The following THSD4 variants were observed in gnomAD, a reference collection of about 807,000 sequenced individuals.
THSD4 encodes thrombospondin type 1 domain containing 4.
A neutral mutation model predicts 119.0 loss-of-function variants in THSD4; 69 were observed. The ratio of observed to expected loss-of-function variants is 0.58; its 90% CI spans 0.48 to 0.71. THSD4 has a LOEUF of 0.71. Ranked by LOEUF, THSD4 falls within the 30% of genes least tolerant of loss-of-function variation. The probability of loss-of-function intolerance (pLI) is 0.00; values close to 1 mark genes in which losing one functional copy is unlikely to be tolerated. For missense variants in THSD4, 1,393 were observed against 1,391.1 expected, an observed-to-expected ratio of 1.00 and a Z score of -0.02; for synonymous variants, 524 against 540.4, an observed-to-expected ratio of 0.97 and a Z score of 0.42.
chr15:71,260,262 C>T (rs567164079), intron 6 of THSD4, among the ~76,000 whole-genome samples: 1 of 152,184 alleles, frequency 6.6e-6, no homozygotes, highest in East Asian at 1.9e-4. Flanking sequence ...ACTTTAAGAC[C>T]TGGAAGAACT....
intron 3 of THSD4, among the ~76,000 whole-genome samples, chr15:71,171,143 A>G (rs1260272717): frequency 6.6e-6 from 1 of 152,136 alleles, no homozygotes; most frequent in African/African-American, 2.4e-5. Context: ...AATAATAGAA[A>G]AGTTTCCAAA....
chr15:71,556,840 T>G (rs1253593216), intron 7 of THSD4, among the ~76,000 whole-genome samples: 1 of 152,150 alleles, frequency 6.6e-6, no homozygotes, highest in Non-Finnish European at 1.5e-5. Context: ...ATCAGTTTTA[T>G]GTAGGAACTT....
intron 3 of THSD4, among the ~76,000 whole-genome samples, chr15:71,208,668 T>C (rs918838687): frequency 8.6e-5 from 13 of 151,972 alleles, no homozygotes; most frequent in African/African-American, 2.9e-4. Context: ...CCCACTACCA[T>C]GCCCAGCTAA....
At chr15:71,735,991 CCTCTCTGTCTCTCTTG>C (rs1269753807) in intron 10 of THSD4, among the ~76,000 whole-genome samples, 1 of 101,102 alleles carries the variant, frequency 9.9e-6, no homozygotes, top group Non-Finnish European at 2.1e-5. Flanking sequence ...TGTCTCTGTC[CCTCTCTGTCTCTCTTG>C]CTCTCTGTCT....
chr15:71,706,349 C>T (rs1352316975), intron 8 of THSD4, among the ~76,000 whole-genome samples: 1 of 151,738 alleles, frequency 6.6e-6, no homozygotes, highest in Non-Finnish European at 1.5e-5. Context: ...CAGGAGGAGG[C>T]AGGGATGGGA....
At chr15:71,749,216 T>C (rs1429015485) in intron 14 of THSD4, among the ~76,000 whole-genome samples, 1 of 152,190 alleles carries the variant, frequency 6.6e-6, no homozygotes, top group Non-Finnish European at 1.5e-5. Context: ...TTAAAAGTGG[T>C]TACGATGGTC....
At chr15:71,242,506 T>C (rs1361385805) in intron 4 of THSD4, 143 bp from the exon 5 acceptor site, 10 of 835,500 alleles carry the variant, frequency 1.2e-5, no homozygotes, top group Non-Finnish European at 1.9e-6. Context: ...TAAAATGCGT[T>C]CCCCCTGCTT....
intron 6 of THSD4, among the ~76,000 whole-genome samples, chr15:71,316,078 A>T (rs1193590119): frequency 6.6e-6 from 1 of 152,156 alleles, no homozygotes; most frequent in Non-Finnish European, 1.5e-5. Context: ...GTTGGGGATA[A>T]CTTCAAAGTT....
At chr15:71,241,933 C>T (rs2044156905) in intron 4 of THSD4, among the ~76,000 whole-genome samples, 1 of 152,100 alleles carries the variant, frequency 6.6e-6, no homozygotes, top group Admixed American at 6.5e-5. Flanking sequence ...CATCAACTGT[C>T]ATTAGTGTTA....
chr15:71,367,428 G>T (rs1371505772), intron 6 of THSD4, among the ~76,000 whole-genome samples: 1 of 152,098 alleles, frequency 6.6e-6, no homozygotes, highest in Non-Finnish European at 1.5e-5. Context: ...ATCTCCTAAT[G>T]CTATCCCTCC....
intron 6 of THSD4, among the ~76,000 whole-genome samples, chr15:71,366,142 C>T (rs1249194411): frequency 3.3e-5 from 5 of 152,088 alleles, no homozygotes; most frequent in East Asian, 1.9e-4. Context: ...GGCGTGATCT[C>T]GGCTCACTGC....
At chr15:71,579,279 G>A (rs2049514844) in intron 7 of THSD4, among the ~76,000 whole-genome samples, 1 of 152,172 alleles carries the variant, frequency 6.6e-6, no homozygotes, top group East Asian at 1.9e-4. Context: ...CTTCATGGTT[G>A]TACAGTAGCT....
intron 2 of THSD4, 89 bp from the exon 3 acceptor site, chr15:71,154,774 C>A: frequency 7.6e-7 from 1 of 1,314,940 alleles, no homozygotes; most frequent in African/African-American, 1.4e-5. Flanking sequence ...CCCCCCCCAT[C>A]CACTGATGAG....
intron 7 of THSD4, among the ~76,000 whole-genome samples, chr15:71,500,400 C>G (rs957520168): frequency 3.9e-5 from 6 of 152,236 alleles, no homozygotes; most frequent in Non-Finnish European, 8.8e-5. Context: ...ATATCGTTTG[C>G]AAATATTTTC....
At chr15:71,300,190 A>G (rs1230159409) in intron 6 of THSD4, among the ~76,000 whole-genome samples, 1 of 151,996 alleles carries the variant, frequency 6.6e-6, no homozygotes, top group East Asian at 1.9e-4. Context: ...TTAGTTTTTT[A>G]AAAAAGAACA....
chr15:71,547,199 G>T, intron 7 of THSD4: 1 of 1,331,658 alleles, frequency 7.5e-7, no homozygotes, highest in Non-Finnish European at 9.6e-7. Flanking sequence ...GCCGGGAGAA[G>T]TTATTACATG....
chr15:71,413,092 A>C (rs1030036755), intron 7 of THSD4, among the ~76,000 whole-genome samples: 3 of 152,014 alleles, frequency 2.0e-5, no homozygotes, highest in African/African-American at 7.2e-5. Flanking sequence ...GCTCACTGCA[A>C]CCTCTGCCTC....
rs188103102 is a variant in THSD4 at position 71,579,914 on chromosome 15, T to G, written c.1153-80616T>G. On this transcript the variant is annotated intron_variant, in intron 7 of 17. Coordinates refer to ENST00000261862, the MANE Select transcript of THSD4 (RefSeq NM_024817.3). ...CACATAAACGGTGGGGTTTTTTTTT[T>G]GAGGAGGGTGATGCTCAGCATCGAA... 3.9e-5 allele frequency among the ~76,000 whole-genome samples: 6 copies of G among 152,128 alleles called. No individual in the cohort carries two copies. In the East Asian group the frequency reaches 1.2e-3, roughly 29 times the overall value.
chr15:71,666,589 T>A (rs2051421812), intron 8 of THSD4, among the ~76,000 whole-genome samples: 1 of 152,232 alleles, frequency 6.6e-6, no homozygotes, highest in Non-Finnish European at 1.5e-5. Flanking sequence ...TATTTATTAA[T>A]ACTTTGCTTA....
Sources: gnomAD v4.1 joint callset for allele counts (sites outside exome capture counted in the v4.1 genomes callset) on GRCh38, gnomAD v4.1.1 for gene constraint, MANE v1.5 for transcripts, NCBI Gene and HGNC (gene_info 2026-07-23, HGNC 2026-07-21) for gene names.